Variants in TMEM132C observed in about 807,000 individuals in gnomAD.
The protein encoded by TMEM132C is protein phosphatase 1, regulatory subunit 152.
TMEM132C carries 29 observed loss-of-function variants against 61.4 expected under a neutral mutation model. The observed-to-expected ratio is 0.47, with a 90% CI of 0.35 to 0.64. The LOEUF is 0.64. Ranked by LOEUF, TMEM132C falls within the 30% of genes least tolerant of loss-of-function variation. The probability of loss-of-function intolerance (pLI) is 0.00; values close to 1 mark genes in which losing one functional copy is unlikely to be tolerated. For missense variants in TMEM132C, 1,408 were observed against 1,476.9 expected (o/e 0.95, Z 0.76); for synonymous variants, 656 against 633.1 (o/e 1.04, Z -0.54).
intron 1 of TMEM132C, chr12:128,404,671 C>A (rs993641734): frequency 2.0e-5 from 3 of 152,132 alleles, no homozygotes; most frequent in Non-Finnish European, 4.4e-5. Flanking sequence ...TATGTCCCAG[C>A]CCAGAGAACA....
At chr12:128,636,564 T>TGTGTGTGTGTG (rs1565998396) in intron 4 of TMEM132C, among the ~76,000 whole-genome samples, 18 of 142,254 alleles carry the variant, frequency 1.3e-4, no homozygotes, top group African/African-American at 4.5e-4. Context: ...GGGTTTTTGT[T>TGTGTGTGTGTG]TGTGTGTGTG....
intron 1 of TMEM132C, among the ~76,000 whole-genome samples, chr12:128,395,624 C>G (rs1188486170): frequency 1.3e-5 from 2 of 152,220 alleles, no homozygotes; most frequent in Non-Finnish European, 2.9e-5. Context: ...TCATCGAACA[C>G]AAAGCCTGTT....
At chr12:128,283,853 C>T (rs1471544766) in intron 1 of TMEM132C, among the ~76,000 whole-genome samples, 1 of 152,144 alleles carries the variant, frequency 6.6e-6, no homozygotes, top group African/African-American at 2.4e-5. Flanking sequence ...CCTTGCCACT[C>T]CTCTGACCCC....
At chr12:128,594,964 G>A (rs187254450) in intron 3 of TMEM132C, among the ~76,000 whole-genome samples, 29 of 152,260 alleles carry the variant, frequency 1.9e-4, no homozygotes, top group Non-Finnish European at 1.3e-4. Context: ...TGTCCGTCCC[G>A]GCTGCTGAAG....
chr12:128,359,595 C>G (rs1356559357), intron 1 of TMEM132C, among the ~76,000 whole-genome samples: 1 of 152,176 alleles, frequency 6.6e-6, no homozygotes, highest in Non-Finnish European at 1.5e-5. Flanking sequence ...ACAGCCACTT[C>G]TATTCCCTGA....
rs376584609 is a variant in TMEM132C at position 128,343,244 on chromosome 12, T to G, written c.86-71488T>G. Among the ~76,000 whole-genome samples, 95 of 152,150 alleles carry G rather than the reference T, an allele frequency of 6.2e-4. 1 individual carries two copies. The South Asian group carries it at 0.019, about 30-fold the overall frequency. ...ATTGAGACCATCCTGGCCAACATGG[T>G]GAAACCCCGTCTCTACTAAAAATAC... On this transcript the variant is annotated intron_variant, in intron 1 of 8. Coordinates refer to ENST00000435159, the MANE Select transcript of TMEM132C (RefSeq NM_001136103.3).
chr12:128,287,469 C>T (rs937369348), intron 1 of TMEM132C, among the ~76,000 whole-genome samples: 1 of 150,814 alleles, frequency 6.6e-6, no homozygotes, highest in African/African-American at 2.4e-5. Flanking sequence ...TTCTCTCTCT[C>T]TCCCCCTCTG....
intron 2 of TMEM132C, among the ~76,000 whole-genome samples, chr12:128,439,894 T>G (rs982422315): frequency 6.6e-6 from 1 of 152,190 alleles, no homozygotes; most frequent in Non-Finnish European, 1.5e-5. Flanking sequence ...TGAGCCTCCT[T>G]CGAGAATGGT....
intron 1 of TMEM132C, among the ~76,000 whole-genome samples, chr12:128,392,074 C>G (rs969568939): frequency 1.9e-4 from 27 of 144,808 alleles, no homozygotes; most frequent in Non-Finnish European, 1.5e-5. Flanking sequence ...TTCTCTCTCT[C>G]TCTCTCTCTC....
intron 3 of TMEM132C, among the ~76,000 whole-genome samples, chr12:128,554,685 G>A (rs1486017644): frequency 1.3e-5 from 2 of 152,184 alleles, no homozygotes; most frequent in African/African-American, 2.4e-5. Flanking sequence ...GAGGGACTTA[G>A]AAAGAAGGCC....
At chr12:128,683,667 CACTT>C (rs1241085091) in intron 5 of TMEM132C, among the ~76,000 whole-genome samples, 83 of 152,332 alleles carry the variant, frequency 5.4e-4, no homozygotes, top group African/African-American at 1.9e-3. Flanking sequence ...GTACAGCAGA[CACTT>C]AATAAGTGTT....
intron 3 of TMEM132C, among the ~76,000 whole-genome samples, chr12:128,563,595 T>C (rs1029191379): frequency 6.6e-6 from 1 of 152,192 alleles, no homozygotes; most frequent in Non-Finnish European, 1.5e-5. Context: ...ATCCTAGCAC[T>C]GTGCCATGCG....
At chr12:128,699,021 G>C (rs770713968) in intron 8 of TMEM132C, among the ~76,000 whole-genome samples, 1 of 152,162 alleles carries the variant, frequency 6.6e-6, no homozygotes, top group Non-Finnish European at 1.5e-5. Context: ...TGTTCTTCTA[G>C]GGGGGATTGG....
chr12:128,318,655 T>C (rs1284984304), intron 1 of TMEM132C, among the ~76,000 whole-genome samples: 1 of 152,230 alleles, frequency 6.6e-6, no homozygotes. Context: ...CATTTTTTAC[T>C]AAACTTTAAA....
chr12:128,552,876 C>G (rs942148062), intron 3 of TMEM132C, among the ~76,000 whole-genome samples: 1 of 152,144 alleles, frequency 6.6e-6, no homozygotes, highest in Non-Finnish European at 1.5e-5. Context: ...CCAGTACACT[C>G]TAGCTTGGGC....
Position 128,658,369 on chromosome 12 carries a change from C to T in TMEM132C, c.1306-11048C>T, listed in dbSNP as rs546308486. On this transcript the variant is annotated intron_variant, in intron 4 of 8. Coordinates refer to ENST00000435159, the MANE Select transcript of TMEM132C (RefSeq NM_001136103.3). ...AATTTCAAAACTGGACCTTTCTTCC[C>T]CCTAGAACCTGCCACATGAGCTATC... is the stretch of plus-strand genomic sequence containing the variant. Among the ~76,000 whole-genome samples, 3 of 152,368 alleles carry T rather than the reference C, an allele frequency of 2.0e-5. No individual in the cohort carries two copies. In the South Asian group the frequency reaches 6.2e-4, roughly 32 times the overall value.
At chr12:128,448,295 A>G (rs1870059957) in intron 2 of TMEM132C, among the ~76,000 whole-genome samples, 2 of 152,218 alleles carry the variant, frequency 1.3e-5, no homozygotes, top group Admixed American at 6.5e-5. Flanking sequence ...ACTTAGAGCA[A>G]CAACTATTTC....
chr12:128,656,291 T>G (rs1305206239), intron 4 of TMEM132C, among the ~76,000 whole-genome samples: 6 of 152,206 alleles, frequency 3.9e-5, no homozygotes, highest in Non-Finnish European at 5.9e-5. Context: ...CCTCAAGTGA[T>G]CTGTCCACCT....
At chr12:128,550,938 C>A (rs1430890863) in intron 3 of TMEM132C, among the ~76,000 whole-genome samples, 7 of 152,140 alleles carry the variant, frequency 4.6e-5, no homozygotes, top group African/African-American at 1.7e-4. Flanking sequence ...AGCCCCATCT[C>A]CCCCACTGCA....
Sources: gnomAD v4.1 joint callset for allele counts (sites outside exome capture counted in the v4.1 genomes callset) on GRCh38, gnomAD v4.1.1 for gene constraint, MANE v1.5 for transcripts, NCBI Gene and HGNC (gene_info 2026-07-23, HGNC 2026-07-21) for gene names.